KCNIP4: variants seen among roughly 807,000 people sequenced by gnomAD.
KCNIP4 encodes the protein potassium voltage-gated channel interacting protein 4, also known as Kv channel-interacting protein 4.
In KCNIP4, 12 loss-of-function variants were observed where a neutral mutation model predicts 34.0. The observed-to-expected ratio is 0.35, with a 90% CI of 0.23 to 0.57. KCNIP4 has a LOEUF of 0.57. Ranked by LOEUF, KCNIP4 falls within the 20% of genes least tolerant of loss-of-function variation. KCNIP4 has a pLI of 0.83. For synonymous variants in KCNIP4, 124 were observed against 102.2 expected (o/e 1.21, Z -1.29); for missense variants, 238 against 311.7 (o/e 0.76, Z 1.78).
intron 1 of KCNIP4, among the ~76,000 whole-genome samples, chr4:21,320,512 T>G (rs1464964904): frequency 6.6e-6 from 1 of 152,144 alleles, no homozygotes; most frequent in African/African-American, 2.4e-5. Flanking sequence ...CTTATATGTG[T>G]TTATGTGTTA....
intron 3 of KCNIP4, among the ~76,000 whole-genome samples, chr4:20,844,164 G>A (rs1445447981): frequency 6.6e-6 from 1 of 152,110 alleles, no homozygotes; most frequent in African/African-American, 2.4e-5. Context: ...AAATGGCAGC[G>A]GTAAGGTTTG....
intron 1 of KCNIP4, among the ~76,000 whole-genome samples, chr4:21,884,341 C>T (rs1482741507): frequency 6.6e-6 from 1 of 151,954 alleles, no homozygotes; most frequent in Non-Finnish European, 1.5e-5. Context: ...TGCTACAATG[C>T]CCACCAACCT....
intron 3 of KCNIP4, among the ~76,000 whole-genome samples, chr4:20,836,033 T>G (rs1718999294): frequency 6.6e-6 from 1 of 152,248 alleles, no homozygotes; most frequent in African/African-American, 2.4e-5. Flanking sequence ...ACCCATTCTT[T>G]ATTTTTCCTC....
chr4:20,947,509 C>T (rs187355641), intron 1 of KCNIP4, among the ~76,000 whole-genome samples: 51 of 152,318 alleles, frequency 3.3e-4, no homozygotes, highest in Non-Finnish European at 6.8e-4. Flanking sequence ...CACTCGTTCT[C>T]AGCTAGAGGT....
intron 1 of KCNIP4, among the ~76,000 whole-genome samples, chr4:21,683,562 G>A (rs1020845175): frequency 7.1e-6 from 1 of 141,198 alleles, no homozygotes; most frequent in Non-Finnish European, 1.5e-5. Flanking sequence ...TCCACCTCCC[G>A]GGTTCACGCC....
At chr4:21,646,614 A>G (rs1396684401) in intron 1 of KCNIP4, among the ~76,000 whole-genome samples, 1 of 152,166 alleles carries the variant, frequency 6.6e-6, no homozygotes, top group African/African-American at 2.4e-5. Context: ...TACATTTTCA[A>G]TTTAACAGCC....
Position 21,166,938 on chromosome 4 carries a change from C to CAAAAAAAAAAAAAAAAAAAAAAA in KCNIP4, c.62-284252_62-284230dup, listed in dbSNP as rs55649635. On this transcript the variant is annotated intron_variant, in intron 1 of 8. Transcript: ENST00000382152. ...TGGGGGACAGAGCTACACTCCATCT[C>CAAAAAAAAAAAAAAAAAAAAAAA]AAAAAAAAAAAAAAAAAAAAAAAAA... Among the ~76,000 whole-genome samples the CAAAAAAAAAAAAAAAAAAAAAAA allele has an allele frequency of 3.7e-4, 14 of 37,560 alleles. 1 individual carries two copies. Among genetic ancestry groups the CAAAAAAAAAAAAAAAAAAAAAAA allele is most frequent in the African/African-American group, 1.5e-3 (14 of 9,320 alleles). The allele number at this position is 37,560 out of a possible 152,430, so 24.6% of individuals were successfully genotyped here.
At chr4:20,789,813 G>T (rs1483841498) in intron 3 of KCNIP4, among the ~76,000 whole-genome samples, 1 of 151,394 alleles carries the variant, frequency 6.6e-6, no homozygotes, top group South Asian at 2.1e-4. Flanking sequence ...GCCATCAAAA[G>T]CAGAACTGTA....
intron 1 of KCNIP4, among the ~76,000 whole-genome samples, chr4:21,367,682 G>A (rs915905686): frequency 6.8e-6 from 1 of 147,622 alleles, no homozygotes; most frequent in Non-Finnish European, 1.5e-5. Context: ...GGAAAATCAT[G>A]GCTCCATGGG....
intron 1 of KCNIP4, among the ~76,000 whole-genome samples, chr4:21,618,289 C>G (rs943925860): frequency 6.6e-6 from 1 of 151,894 alleles, no homozygotes; most frequent in South Asian, 2.1e-4. Flanking sequence ...TACTACTGTC[C>G]GGAACAATAC....
intron 3 of KCNIP4, among the ~76,000 whole-genome samples, chr4:20,772,426 CAATA>C (rs1755980083): frequency 1.3e-5 from 2 of 151,972 alleles, no homozygotes; most frequent in South Asian, 4.1e-4. Context: ...ATACTGACAT[CAATA>C]AATATATTGA....
At chr4:21,883,839 C>T (rs570389091) in intron 1 of KCNIP4, among the ~76,000 whole-genome samples, 5 of 152,000 alleles carry the variant, frequency 3.3e-5, no homozygotes, top group Non-Finnish European at 7.4e-5. Context: ...ACCTTCAAAT[C>T]GACTGATGAA....
chr4:20,896,320 T>C (rs1288341238), intron 1 of KCNIP4, among the ~76,000 whole-genome samples: 4 of 152,224 alleles, frequency 2.6e-5, no homozygotes, highest in Non-Finnish European at 1.5e-5. Flanking sequence ...TGTTTACACA[T>C]GGACATTGTA....
intron 3 of KCNIP4, among the ~76,000 whole-genome samples, chr4:20,847,528 GTC>G: frequency 6.8e-6 from 1 of 146,900 alleles, no homozygotes; most frequent in South Asian, 2.2e-4. Context: ...ACTGTATTCT[GTC>G]TCTATCAGCT....
chr4:21,088,841 G>A (rs1396072703), intron 1 of KCNIP4, among the ~76,000 whole-genome samples: 1 of 151,810 alleles, frequency 6.6e-6, no homozygotes, highest in Non-Finnish European at 1.5e-5. Context: ...TTCATTATTT[G>A]TTCAATATCC....
chr4:21,549,623 A>C (rs1738403459), intron 1 of KCNIP4, among the ~76,000 whole-genome samples: 1 of 152,026 alleles, frequency 6.6e-6, no homozygotes, highest in South Asian at 2.1e-4. Flanking sequence ...TTTATTTTTT[A>C]AAATAAATTA....
At chr4:21,689,830 C>T (rs572765919) in intron 1 of KCNIP4, among the ~76,000 whole-genome samples, 34 of 152,042 alleles carry the variant, frequency 2.2e-4, no homozygotes, top group Middle Eastern at 6.8e-3. Flanking sequence ...ATTTGTTCTT[C>T]CTGAAGTTGG....
At chr4:21,133,760 G>C (rs1751283326) in intron 1 of KCNIP4, among the ~76,000 whole-genome samples, 1 of 152,120 alleles carries the variant, frequency 6.6e-6, no homozygotes, top group South Asian at 2.1e-4. Flanking sequence ...TGAAACTCAT[G>C]AGATTTTTTC....
chr4:21,887,771 G>C (rs1346396380), intron 1 of KCNIP4, among the ~76,000 whole-genome samples: 5 of 152,122 alleles, frequency 3.3e-5, no homozygotes, highest in Non-Finnish European at 7.4e-5. Flanking sequence ...AAGCTTAAAA[G>C]AGGTTGTAAC....
Sources: gnomAD v4.1 joint callset for allele counts (sites outside exome capture counted in the v4.1 genomes callset) on GRCh38, gnomAD v4.1.1 for gene constraint, MANE v1.5 for transcripts, NCBI Gene and HGNC (gene_info 2026-07-23, HGNC 2026-07-21) for gene names.